Variants in ADAM23 observed in about 807,000 individuals in gnomAD.
ADAM23 encodes disintegrin and metalloproteinase domain-containing protein 23.
A neutral mutation model predicts 120.1 loss-of-function variants in ADAM23; 33 were observed. That is an observed-to-expected ratio of 0.27 (90% confidence interval 0.21 to 0.37). The LOEUF is 0.37. ADAM23 is among the 10% of genes least tolerant of loss of function. The pLI, the probability that ADAM23 is intolerant of heterozygous loss-of-function variation, is 1.00. For synonymous variants in ADAM23, 367 were observed against 375.2 expected, an observed-to-expected ratio of 0.98 and a Z score of 0.25; for missense variants, 862 against 1,058.2, an observed-to-expected ratio of 0.81 and a Z score of 2.57.
intron 22 of ADAM23, 105 bp downstream of exon 22, chr2:206,592,841 A>C (rs1298441355): frequency 7.3e-7 from 1 of 1,366,024 alleles, no homozygotes; most frequent in East Asian, 2.4e-5. Context: ...TAGTTTTTAC[A>C]AGAGGAAAGT....
At chr2:206,535,038 T>C (rs1697142985) in intron 4 of ADAM23, among the ~76,000 whole-genome samples, 1 of 151,984 alleles carries the variant, frequency 6.6e-6, no homozygotes, top group South Asian at 2.1e-4. Flanking sequence ...TGAATTGTAC[T>C]GTGGCCACCC....
intron 3 of ADAM23, among the ~76,000 whole-genome samples, chr2:206,482,954 C>T (rs1695927376): frequency 6.6e-6 from 1 of 152,108 alleles, no homozygotes; most frequent in Non-Finnish European, 1.5e-5. Context: ...TTTTGTTGAC[C>T]TTCCTCATAA....
Position 206,480,412 on chromosome 2 carries a change from C to T in ADAM23, c.433-820C>T, listed in dbSNP as rs144085794. 2.0e-3 allele frequency among the ~76,000 whole-genome samples: 304 copies of T among 150,928 alleles called. 1 individual carries two copies. The highest frequency in any genetic ancestry group is 3.6e-3 in the Non-Finnish European group (243 of 67,848). ...TAGGAATGCAATTCTGGAGGAAGGA[C>T]GTTAGTGAGTCAAGGAAGTACAGTG... On this transcript the variant is annotated intron_variant, in intron 2 of 25. Coordinates refer to ENST00000264377, the MANE Select transcript of ADAM23 (RefSeq NM_003812.4).
chr2:206,550,240 A>T (rs1697485319), intron 9 of ADAM23, 80 bp downstream of exon 9: 1 of 836,006 alleles, frequency 1.2e-6, no homozygotes, highest in South Asian at 2.6e-5. Context: ...GTTAATCATT[A>T]TTTTTTACTT....
intron 10 of ADAM23, among the ~76,000 whole-genome samples, chr2:206,559,315 T>C (rs752095591): frequency 2.0e-5 from 3 of 152,202 alleles, no homozygotes; most frequent in Non-Finnish European, 4.4e-5. Context: ...ATTGTGTGAA[T>C]TGTTTAGCTA....
chr2:206,461,854 A>C (rs1453012796), intron 2 of ADAM23, among the ~76,000 whole-genome samples: 1 of 152,148 alleles, frequency 6.6e-6, no homozygotes, highest in Non-Finnish European at 1.5e-5. Context: ...GGCATGTTAG[A>C]TGGAGAGTAG....
chr2:206,499,515 G>T (rs576759926), intron 3 of ADAM23, among the ~76,000 whole-genome samples: 9 of 150,442 alleles, frequency 6.0e-5, no homozygotes, highest in Non-Finnish European at 1.3e-4. Flanking sequence ...AGGGGGGATA[G>T]CATTAGGAGA....
chr2:206,525,242 G>T (rs1300870418), intron 3 of ADAM23, among the ~76,000 whole-genome samples: 1 of 152,076 alleles, frequency 6.6e-6, no homozygotes, highest in Admixed American at 6.5e-5. Context: ...GGGCCTCTAG[G>T]TTCCTTCAGA....
intron 16 of ADAM23, among the ~76,000 whole-genome samples, chr2:206,571,049 C>T (rs957130974): frequency 1.3e-5 from 2 of 152,178 alleles, no homozygotes; most frequent in East Asian, 3.8e-4. Flanking sequence ...ATTTGTAGCT[C>T]ATATTCATCT....
In ADAM23 at chr2:206,544,679, C is replaced by T. The variant is rs536942571; in HGVS notation, c.720+1363C>T. On this transcript the variant is annotated intron_variant, in intron 6 of 25. Coordinates refer to ENST00000264377, the MANE Select transcript of ADAM23 (RefSeq NM_003812.4). Reference sequence around the variant, plus strand: ...CTAGGCTGGAGTGCAGTGGCACTATCTTGGCTCACTGCAAGCTCCGCCTGC... The same window carrying T: ...CTAGGCTGGAGTGCAGTGGCACTATTTTGGCTCACTGCAAGCTCCGCCTGC... Among the ~76,000 whole-genome samples the T allele has an allele frequency of 2.1e-5, 3 of 145,440 alleles. No individual in the cohort carries two copies. The East Asian group carries it at 6.1e-4, about 30-fold the overall frequency.
At chr2:206,451,498 C>T (rs943818018) in intron 2 of ADAM23, among the ~76,000 whole-genome samples, 1 of 152,210 alleles carries the variant, frequency 6.6e-6, no homozygotes, top group Non-Finnish European at 1.5e-5. Flanking sequence ...CTTTGGCCTC[C>T]CAAAGTTCTG....
intron 24 of ADAM23, among the ~76,000 whole-genome samples, chr2:206,602,814 T>C (rs1055468891): frequency 8.5e-5 from 13 of 152,294 alleles, no homozygotes; most frequent in African/African-American, 3.1e-4. Flanking sequence ...CCAAAAATTC[T>C]GTCTTTTAGC....
intron 25 of ADAM23, among the ~76,000 whole-genome samples, chr2:206,610,616 C>G (rs552747072): frequency 3.9e-5 from 6 of 152,166 alleles, no homozygotes; most frequent in Admixed American, 6.5e-5. Context: ...AAATATTGAC[C>G]TGACAGGTAG....
At chr2:206,477,897 A>ATATATATAT (rs1553548673) in intron 2 of ADAM23, among the ~76,000 whole-genome samples, 30 of 93,570 alleles carry the variant, frequency 3.2e-4, no homozygotes, top group African/African-American at 5.7e-4. Flanking sequence ...AAAAAAAAAA[A>ATATATATAT]ATATATATAT....
At position 206,557,647 on chromosome 2, in the gene ADAM23, A is replaced by G. The variant is rs113578408; in HGVS notation, c.1005+149A>G. On this transcript the variant is annotated intron_variant, in intron 10 of 25. Coordinates refer to ENST00000264377, the MANE Select transcript of ADAM23 (RefSeq NM_003812.4). ...AAGGAATTATAGGATGGTCCGCTTC[A>G]CAGAGTAGTGCTCTGAGAGTTTCAG... The G allele has an allele frequency of 1.1e-3, 784 of 721,808 alleles. 7 individuals are homozygous for G. In the African/African-American group the frequency reaches 0.011, roughly 10 times the overall value. 44.7% of individuals were successfully genotyped at this position (721,808 alleles called of 1,614,324 possible).
rs1218841838 is a variant in ADAM23, at chr2:206,540,317, CCAAA to C, written c.574-1732_574-1729del. 1.6e-4 allele frequency among the ~76,000 whole-genome samples: 24 copies of C among 147,938 alleles called. No homozygotes were observed. The East Asian group carries it at 4.7e-3, about 29-fold the overall frequency. On this transcript the variant is annotated intron_variant, in intron 4 of 25. Coordinates refer to ENST00000264377, the MANE Select transcript of ADAM23 (RefSeq NM_003812.4). ...CCACTTATATGTAGACTTTTTTCAA[CCAAA>C]CACAGTATTTGTGGGATGCAAAACC...
chr2:206,450,579 A>G (rs1695172604), intron 2 of ADAM23, among the ~76,000 whole-genome samples: 1 of 152,142 alleles, frequency 6.6e-6, no homozygotes, highest in African/African-American at 2.4e-5. Flanking sequence ...TACTGAGGAG[A>G]GATAATTTTG....
At chr2:206,513,534 G>C (rs1277231733) in intron 3 of ADAM23, among the ~76,000 whole-genome samples, 1 of 152,186 alleles carries the variant, frequency 6.6e-6, no homozygotes, top group Non-Finnish European at 1.5e-5. Context: ...GAGATTTAAG[G>C]AAAGAAGCTG....
Position 206,548,028 on chromosome 2 carries a change from G to T in ADAM23, c.794-253G>T, listed in dbSNP as rs113191981. On this transcript the variant is annotated intron_variant, in intron 7 of 25. Transcript: ENST00000264377. ...GAACTCTGTCAAATTTTCAGATATTGTCAAGTGGTTTTATATCAAATATGC... is the reference window on the plus strand; with the variant it reads ...GAACTCTGTCAAATTTTCAGATATTTTCAAGTGGTTTTATATCAAATATGC... 3.1e-3 allele frequency among the ~76,000 whole-genome samples: 474 copies of T among 152,264 alleles called. 6 individuals carry two copies. Among genetic ancestry groups the T allele is most frequent in the African/African-American group, 0.011 (449 of 41,560 alleles).
Sources: allele counts gnomAD v4.1 joint callset (sites outside exome capture counted in the v4.1 genomes callset), GRCh38; gene constraint gnomAD v4.1.1; transcripts MANE v1.5; gene names NCBI Gene and HGNC (gene_info 2026-07-23, HGNC 2026-07-21).